IPO9: variants seen among roughly 807,000 people sequenced by gnomAD.
The protein encoded by IPO9 is importin-9.
Under a neutral mutation model 128.6 loss-of-function variants are expected in IPO9, and 28 were observed. That is an observed-to-expected ratio of 0.22 (90% CI 0.16 to 0.30). The LOEUF is 0.30. Among genes scored for constraint, IPO9 ranks in the 10% least tolerant of loss-of-function variants. IPO9 has a pLI of 1.00. For synonymous variants in IPO9, 455 were observed against 475.8 expected, an observed-to-expected ratio of 0.96 and a Z score of 0.57; for missense variants, 935 against 1,293.9, an observed-to-expected ratio of 0.72 and a Z score of 4.26.
chr1:201,869,765 A>G (rs1341305813), intron 17 of IPO9, 47 bp downstream of exon 17: 3 of 1,606,020 alleles, frequency 1.9e-6, no homozygotes, highest in East Asian at 4.5e-5. Context: ...CTCCCCAGCC[A>G]TGGGCTTATA....
chr1:201,858,567 G>A lies in IPO9; in HGVS notation c.1328+14G>A, dbSNP rs367948228. 1.8e-5 allele frequency: 26 copies of A among 1,426,246 alleles called. No homozygotes were observed. Among genetic ancestry groups the A allele is most frequent in the African/African-American group, 1.1e-4 (8 of 69,884 alleles). 88.3% of individuals were successfully genotyped at this position (1,426,246 alleles called of 1,614,324 possible). A position where few individuals can be genotyped will look rare whatever the true frequency, so the allele number is the denominator to read the frequency against. ...CACTGAGCACTGGTAAGAGTGAGCC[G>A]CTAATTGGTTAAGATGCTTTTGTTT... On this transcript the variant is annotated intron_variant, in intron 12 of 23. Coordinates refer to ENST00000361565, the MANE Select transcript of IPO9 (RefSeq NM_018085.5).
In IPO9 at chr1:201,876,145, C is replaced by T. The variant is rs1174517586; in HGVS notation, c.*91C>T. 3 of 896,994 alleles carry T rather than the reference C, an allele frequency of 3.3e-6. No individual in the cohort carries two copies. Among genetic ancestry groups the T allele is most frequent in the Non-Finnish European group, 5.7e-6 (3 of 525,148 alleles). The allele number at this position is 896,994 out of a possible 1,614,324, so 55.6% of individuals were successfully genotyped here. A position where few individuals can be genotyped will look rare whatever the true frequency, so the allele number is the denominator to read the frequency against. On this transcript the variant is annotated 3_prime_UTR_variant, in exon 24 of 24. Coordinates refer to ENST00000361565, the MANE Select transcript of IPO9 (RefSeq NM_018085.5). Reference sequence around the variant, plus strand: ...GCCTTGAGATGCACTTTCTTCTCAACCTAAAGTGGCATCTTGACCCTTGGC... The same window carrying T: ...GCCTTGAGATGCACTTTCTTCTCAATCTAAAGTGGCATCTTGACCCTTGGC...
Position 201,876,506 on chromosome 1 carries a change from T to C in IPO9, c.*452T>C. 1 of 277,360 alleles carries C rather than the reference T, an allele frequency of 3.6e-6. No individual in the cohort carries two copies. The highest frequency in any genetic ancestry group is 8.9e-5 in the East Asian group (1 of 11,262). The allele number at this position is 277,360 out of a possible 1,614,324, so 17.2% of individuals were successfully genotyped here. On this transcript the variant is annotated 3_prime_UTR_variant, in exon 24 of 24. Coordinates refer to ENST00000361565, the MANE Select transcript of IPO9 (RefSeq NM_018085.5). Reference sequence around the variant, plus strand: ...GATAGGAATCCTCATGAGAGATCATTATGCTTTGTGCCCTGGACCACTGCT... The same window carrying C: ...GATAGGAATCCTCATGAGAGATCATCATGCTTTGTGCCCTGGACCACTGCT...
chr1:201,839,824 T>A (rs1310480012), intron 1 of IPO9, among the ~76,000 whole-genome samples: 1 of 151,996 alleles, frequency 6.6e-6, no homozygotes, highest in East Asian at 1.9e-4. Context: ...CTACATAAAA[T>A]TTTTTTACAA....
chr1:201,858,803 A>G (rs1571549319), intron 12 of IPO9, 52 bp from the exon 13 acceptor site: 15 of 1,538,190 alleles, frequency 9.8e-6, no homozygotes, highest in Non-Finnish European at 1.2e-5. Flanking sequence ...TCAAATATTT[A>G]TCTCTTTTGG....
chr1:201,872,975 C>T lies in IPO9; in HGVS notation c.2710+14C>T, dbSNP rs913312923. On this transcript the variant is annotated intron_variant, in intron 20 of 23. Transcript: ENST00000361565. ...AGTCAGCCAAAAGTGGGTGCTGCTG[C>T]GATTCTTCCAATCCTCTCCCTATAC... The T allele has an allele frequency of 3.7e-6, 6 of 1,606,324 alleles. No homozygotes were observed. The highest frequency in any genetic ancestry group is 2.2e-5 in the East Asian group (1 of 44,752).
intron 14 of IPO9, among the ~76,000 whole-genome samples, chr1:201,865,189 A>G (rs1450625699): frequency 6.8e-6 from 1 of 147,244 alleles, no homozygotes; most frequent in Non-Finnish European, 1.5e-5. Flanking sequence ...ACACTATTGG[A>G]ACTATTTTTC....
chr1:201,856,125 C>T (rs1439806147), intron 10 of IPO9, among the ~76,000 whole-genome samples, 191 bp downstream of exon 10: 2 of 142,686 alleles, frequency 1.4e-5, no homozygotes, highest in Non-Finnish European at 3.0e-5. Flanking sequence ...ACCACCATAC[C>T]TGGCTTTTTT....
chr1:201,880,139 A>G lies in IPO9; in HGVS notation c.*4085A>G, dbSNP rs541416031. 6.6e-6 allele frequency: 1 copy of G among 152,200 alleles called. No individual in the cohort carries two copies. The highest frequency in any genetic ancestry group is 1.5e-5 in the Non-Finnish European group (1 of 68,060). 9.4% of individuals were successfully genotyped at this position (152,200 alleles called of 1,614,324 possible). ...GAGGAGGGCAGATCACTTAAGCCCAAGAGTTTGAGACCAGTCTGGGCAATG... is the reference window on the plus strand; with the variant it reads ...GAGGAGGGCAGATCACTTAAGCCCAGGAGTTTGAGACCAGTCTGGGCAATG... On this transcript the variant is annotated 3_prime_UTR_variant, in exon 24 of 24. Coordinates refer to ENST00000361565, the MANE Select transcript of IPO9 (RefSeq NM_018085.5).
chr1:201,844,362 C>T (rs1483578935), intron 1 of IPO9, among the ~76,000 whole-genome samples: 1 of 152,076 alleles, frequency 6.6e-6, no homozygotes, highest in Non-Finnish European at 1.5e-5. Flanking sequence ...AATTGAGACA[C>T]GTTCTACAAA....
intron 13 of IPO9, among the ~76,000 whole-genome samples, chr1:201,863,165 A>G (rs1219064427): frequency 6.6e-6 from 1 of 152,196 alleles, no homozygotes; most frequent in South Asian, 2.1e-4. Flanking sequence ...AGCCTGGCCA[A>G]CATGGCAAAA....
chr1:201,868,420 G>A (rs187261047), intron 15 of IPO9, among the ~76,000 whole-genome samples: 68 of 151,634 alleles, frequency 4.5e-4, no homozygotes, highest in Non-Finnish European at 9.0e-4. Context: ...AGCTGTTAAT[G>A]ACTAGTCCCT....
chr1:201,878,791 A>G lies in IPO9; in HGVS notation c.*2737A>G, dbSNP rs1479718613. 1 of 152,232 alleles carries G rather than the reference A, an allele frequency of 6.6e-6. No individual in the cohort carries two copies. Among genetic ancestry groups the G allele is most frequent in the East Asian group, 1.9e-4 (1 of 5,198 alleles). The allele number at this position is 152,232 out of a possible 1,614,324, so 9.4% of individuals were successfully genotyped here. On this transcript the variant is annotated 3_prime_UTR_variant, in exon 24 of 24. Coordinates refer to ENST00000361565, the MANE Select transcript of IPO9 (RefSeq NM_018085.5). The stretch of plus-strand genomic sequence containing the variant: ...TGGAGAGACTGTGTCCAGTGTCAGC[A>G]GGAAGAAAAAAGATCTGTTGGAGGC...
intron 1 of IPO9, among the ~76,000 whole-genome samples, chr1:201,842,821 C>T (rs1680057101): frequency 6.6e-6 from 1 of 152,146 alleles, no homozygotes; most frequent in African/African-American, 2.4e-5. Context: ...TCCTTTCATT[C>T]TTGTGAGGTT....
At position 201,878,365 on chromosome 1, in the gene IPO9, A is replaced by G. The variant is rs1680816174; in HGVS notation, c.*2311A>G. The G allele has an allele frequency of 6.6e-6, 1 of 152,656 alleles. No homozygotes were observed. Among genetic ancestry groups the G allele is most frequent in the African/African-American group, 2.4e-5 (1 of 41,458 alleles). 9.5% of individuals were successfully genotyped at this position (152,656 alleles called of 1,614,324 possible). A position where few individuals can be genotyped will look rare whatever the true frequency, so the allele number is the denominator to read the frequency against. ...AAAAGAATGGTCTCATGCCAGTAGC[A>G]TTGAACTGCTGAGCTTGGGAAGGCT... On this transcript the variant is annotated 3_prime_UTR_variant, in exon 24 of 24. Transcript: ENST00000361565.
chr1:201,835,984 C>T (rs1214572464), intron 1 of IPO9, among the ~76,000 whole-genome samples: 12 of 151,902 alleles, frequency 7.9e-5, no homozygotes, highest in Non-Finnish European at 1.0e-4. Context: ...TGGTGGCGGG[C>T]GCCTGTAGTC....
At position 201,872,853 on chromosome 1, in the gene IPO9, C is replaced by T. The variant is rs1416884241; in HGVS notation, c.2602C>T (p.Gln868Ter). The change falls in exon 20 of 24, where the codon CAG becomes TAG. Residue 868 changes from glutamine (Q) to a stop codon, truncating the protein, a stop_gained. Coordinates refer to ENST00000361565, the MANE Select transcript of IPO9 (RefSeq NM_018085.5). LOFTEE classifies it high-confidence loss of function. ...CTCTGTGGCACTCTGTAAGCTGCTC[C>T]AGCATGGCATCAATGCAGATGACAA... ...VSSVALCKLL[Q>*]HGINADDKRL... The T allele has an allele frequency of 6.2e-7, 1 of 1,613,656 alleles. No homozygotes were observed. The highest frequency in any genetic ancestry group is 8.5e-7 in the Non-Finnish European group (1 of 1,179,808).
In IPO9 at chr1:201,858,951, T is replaced by G. The variant is rs753636559; in HGVS notation, c.1425T>G (p.His475Gln). 2 of 1,612,784 alleles carry G rather than the reference T, an allele frequency of 1.2e-6. No individual in the cohort carries two copies. The highest frequency in any genetic ancestry group is 1.7e-6 in the Non-Finnish European group (2 of 1,179,018). The change falls in exon 13 of 24, where the codon CAT becomes CAG. Residue 475 changes from histidine to glutamine, a missense_variant. By Grantham distance (24) the His-to-Gln change is conservative. Coordinates refer to ENST00000361565, the MANE Select transcript of IPO9 (RefSeq NM_018085.5). ...ATGGCAGGATTCATTTTGACATGCA[T>G]GGGTTCCTGACCAATGTCATCCTTG... ...VKNGRIHFDM[H>Q]GFLTNVILAD...
chr1:201,838,026 C>T (rs28608133), intron 1 of IPO9, among the ~76,000 whole-genome samples: 7,662 of 152,196 alleles, frequency 0.05, 667 homozygotes, highest in African/African-American at 0.18. Context: ...GCTGAGATTG[C>T]GCCATTGCAC....
Sources: allele counts gnomAD v4.1 joint callset (sites outside exome capture counted in the v4.1 genomes callset), GRCh38; gene constraint gnomAD v4.1.1; transcripts MANE v1.5; gene names NCBI Gene and HGNC (gene_info 2026-07-23, HGNC 2026-07-21).